MCC: variants seen among roughly 807,000 people sequenced by gnomAD.
MCC encodes the protein MCC regulator of Wnt signaling pathway.
Under a neutral mutation model 116.2 loss-of-function variants are expected in MCC, and 90 were observed. The ratio of observed to expected loss-of-function variants is 0.77; its 90% CI spans 0.65 to 0.92. MCC has a LOEUF of 0.92. MCC is among the 40% of genes least tolerant of loss of function. The pLI is 0.00. For missense variants in MCC, 1,516 were observed against 1,312.2 expected (o/e 1.16, Z -2.40); for synonymous variants, 578 against 510.5 (o/e 1.13, Z -1.78).
chr5:113,361,000 T>A (rs1224305187), intron 2 of MCC, among the ~76,000 whole-genome samples: 3 of 152,186 alleles, frequency 2.0e-5, no homozygotes, highest in African/African-American at 2.4e-5. Context: ...GCCAGATAAT[T>A]AACAATGTCT....
chr5:113,138,477 C>T (rs1758978007), intron 5 of MCC, among the ~76,000 whole-genome samples: 1 of 152,202 alleles, frequency 6.6e-6, no homozygotes. Context: ...TCCTCTTTCT[C>T]TCTTCCCTCC....
chr5:113,036,708 CCTCTACCA>C (rs1324590325), intron 17 of MCC, among the ~76,000 whole-genome samples: 1 of 152,054 alleles, frequency 6.6e-6, no homozygotes, highest in Non-Finnish European at 1.5e-5. Flanking sequence ...GTTCCAGTGC[CCTCTACCA>C]CTCTGCCTTT....
At chr5:113,079,744 A>G (rs1754721518) in intron 11 of MCC, among the ~76,000 whole-genome samples, 1 of 152,262 alleles carries the variant, frequency 6.6e-6, no homozygotes, top group Non-Finnish European at 1.5e-5. Context: ...GGACATAGGC[A>G]TGGGCAAGGA....
chr5:113,052,945 C>T (rs1377722598), intron 15 of MCC, among the ~76,000 whole-genome samples: 1 of 152,222 alleles, frequency 6.6e-6, no homozygotes, highest in Non-Finnish European at 1.5e-5. Context: ...AAGGGTTTCT[C>T]AAACTCTGTC....
chr5:113,236,771 C>T (rs925687328), intron 3 of MCC, among the ~76,000 whole-genome samples: 6 of 152,096 alleles, frequency 3.9e-5, no homozygotes, highest in Admixed American at 6.5e-5. Context: ...AGAACTAAGG[C>T]CCCTCCCTCC....
At chr5:113,341,383 C>A (rs1044787162) in intron 2 of MCC, among the ~76,000 whole-genome samples, 2 of 151,924 alleles carry the variant, frequency 1.3e-5, no homozygotes, top group Non-Finnish European at 2.9e-5. Context: ...CATTTCTATA[C>A]TATGTTGCCC....
At chr5:113,389,471 T>C (rs1769353323) in intron 1 of MCC, among the ~76,000 whole-genome samples, 1 of 152,202 alleles carries the variant, frequency 6.6e-6, no homozygotes, top group Non-Finnish European at 1.5e-5. Flanking sequence ...TCCACTTCCA[T>C]GCAGTCCTGG....
At chr5:113,039,627 T>C (rs1023740286) in intron 17 of MCC, among the ~76,000 whole-genome samples, 36 of 151,974 alleles carry the variant, frequency 2.4e-4, no homozygotes, top group Middle Eastern at 6.8e-3. Flanking sequence ...GGGGTCCCCA[T>C]AGAGAATGTA....
At chr5:113,124,844 A>T (rs745341780) in intron 5 of MCC, among the ~76,000 whole-genome samples, 1 of 152,252 alleles carries the variant, frequency 6.6e-6, no homozygotes. Context: ...TCTGTCTTCA[A>T]GGAGACAAAG....
intron 3 of MCC, chr5:113,294,844 C>T (rs554567040): frequency 2.0e-6 from 2 of 985,908 alleles, no homozygotes; most frequent in East Asian, 2.3e-4. Context: ...GGAAGATCCG[C>T]GCCTCGGATT....
intron 2 of MCC, among the ~76,000 whole-genome samples, chr5:113,375,500 G>A (rs187584981): frequency 2.6e-5 from 4 of 152,264 alleles, no homozygotes; most frequent in African/African-American, 7.2e-5. Context: ...ACTGTTTCTC[G>A]TGATTCTGGG....
At chr5:113,317,084 C>T (rs559210774) in intron 3 of MCC, among the ~76,000 whole-genome samples, 19 of 152,132 alleles carry the variant, frequency 1.2e-4, no homozygotes, top group African/African-American at 4.1e-4. Context: ...TGGGGACTAC[C>T]GAAAAGAAAT....
At chr5:113,436,827 T>C (rs1770878816) in intron 1 of MCC, 1 of 152,198 alleles carries the variant, frequency 6.6e-6, no homozygotes, top group African/African-American at 2.4e-5. Flanking sequence ...TCCAGGTCTT[T>C]AGATAAACTC....
chr5:113,107,352 G>C (rs553275250), intron 6 of MCC, among the ~76,000 whole-genome samples: 2 of 151,900 alleles, frequency 1.3e-5, no homozygotes, highest in South Asian at 4.2e-4. Context: ...CGAGTAGCTT[G>C]GATTACAGGC....
chr5:113,458,367 G>A (rs550869338), intron 1 of MCC, among the ~76,000 whole-genome samples: 1 of 150,768 alleles, frequency 6.6e-6, no homozygotes, highest in Non-Finnish European at 1.5e-5. Flanking sequence ...GCGAAGGTCT[G>A]CAGCTTCACT....
intron 3 of MCC, among the ~76,000 whole-genome samples, chr5:113,235,526 ATC>A: frequency 6.6e-6 from 1 of 152,346 alleles, no homozygotes; most frequent in South Asian, 2.1e-4. Context: ...ATCCAACTCT[ATC>A]ATGCATACAG....
chr5:113,093,041 T>C lies in MCC; in HGVS notation c.1399-7731A>G, dbSNP rs957885479. Among the ~76,000 whole-genome samples the C allele has an allele frequency of 3.3e-5, 5 of 152,212 alleles. No individual in the cohort carries two copies. In the East Asian group the frequency reaches 9.6e-4, roughly 29 times the overall value. ...AGGACCAGATGTACACACAGCCATA[T>C]GGACAAACCTTAAAATCAGAGTGCT... On this transcript the variant is annotated intron_variant, in intron 8 of 18. Transcript: ENST00000408903.
At chr5:113,033,205 G>C (rs1751080119) in intron 17 of MCC, among the ~76,000 whole-genome samples, 2 of 152,144 alleles carry the variant, frequency 1.3e-5, no homozygotes, top group South Asian at 4.1e-4. Flanking sequence ...AGTAGGTTTC[G>C]GTTGAGACCC....
intron 3 of MCC, among the ~76,000 whole-genome samples, chr5:113,329,317 T>A (rs752630297): frequency 6.6e-6 from 1 of 152,016 alleles, no homozygotes; most frequent in Non-Finnish European, 1.5e-5. Flanking sequence ...GTTGGGTGAA[T>A]TGGAAGAAGA....
Sources: allele counts gnomAD v4.1 joint callset (sites outside exome capture counted in the v4.1 genomes callset), GRCh38; gene constraint gnomAD v4.1.1; transcripts MANE v1.5; gene names NCBI Gene and HGNC (gene_info 2026-07-23, HGNC 2026-07-21).